The following CBLIF variants were observed in gnomAD, a reference collection of about 807,000 sequenced individuals.
CBLIF encodes gastric intrinsic factor (vitamin B synthesis).
CBLIF carries 24 observed loss-of-function variants against 44.9 expected under a neutral mutation model. That is an observed-to-expected ratio of 0.53 (90% CI 0.39 to 0.75). CBLIF has a LOEUF of 0.75. CBLIF is among the 30% of genes least tolerant of loss of function. CBLIF has a pLI of 0.00. For missense variants in CBLIF, 481 were observed against 513.0 expected (o/e 0.94, Z 0.60); for synonymous variants, 183 against 190.9 (o/e 0.96, Z 0.34).
In CBLIF at chr11:59,843,113, G is replaced by C. The variant is rs1311278829; in HGVS notation, c.285C>G (p.Thr95=). The C allele has an allele frequency of 4.3e-6, 7 of 1,613,190 alleles. No homozygotes were observed. Among genetic ancestry groups the C allele is most frequent in the Non-Finnish European group, 5.9e-6 (7 of 1,179,158 alleles). ...GGCAGGAGGAGGTGAGGGCCATGAT[G>C]GTGAGGCCGAGCTGCCCAATGGTTA... ...NDLTIGQLGL[T]IMALTSSCRD... is the part of the protein sequence containing the mutation. The change falls in exon 3 of 9, where the codon ACC becomes ACG. Residue 95 remains threonine (T), a synonymous_variant. Coordinates refer to ENST00000257248, the MANE Select transcript of CBLIF (RefSeq NM_005142.3).
At chr11:59,843,754 G>A in intron 2 of CBLIF, 125 bp downstream of exon 2, 1 of 759,936 alleles carries the variant, frequency 1.3e-6, no homozygotes, top group Non-Finnish European at 2.4e-6. Flanking sequence ...TGTAAGGAAA[G>A]GTGTTTGGGT....
In CBLIF at chr11:59,831,803, A is replaced by G; in HGVS notation, c.1074-7T>C. The G allele has an allele frequency of 2.2e-6, 3 of 1,364,138 alleles. No individual in the cohort carries two copies. Among genetic ancestry groups the G allele is most frequent in the Non-Finnish European group, 3.2e-6 (3 of 951,534 alleles). The allele number at this position is 1,364,138 out of a possible 1,614,324, so 84.5% of individuals were successfully genotyped here. ...TGTCATTGTGGTTTCAAATCTAAAAAAAAGTTTATATATGATTAACATCTC... is the reference window on the plus strand; with the variant it reads ...TGTCATTGTGGTTTCAAATCTAAAAGAAAGTTTATATATGATTAACATCTC... On this transcript the variant is annotated splice_region_variant and splice_polypyrimidine_tract_variant and intron_variant, in intron 7 of 8. Transcript: ENST00000257248.
chr11:59,833,018 GA>G (rs1291255505), intron 7 of CBLIF, among the ~76,000 whole-genome samples: 11 of 151,998 alleles, frequency 7.2e-5, no homozygotes, highest in Non-Finnish European at 1.3e-4. Context: ...AATATGCATA[GA>G]AAAAAACCTA....
rs1485593265 is a variant in CBLIF at position 59,834,392 on chromosome 11, T to C, written c.1073+1416A>G. ...TCAATTCCTTCTTTCCTTCCTTTTT[T>C]TTGTTTTTTTTTTTTTTGAGACAGA... On this transcript the variant is annotated intron_variant, in intron 7 of 8. Coordinates refer to ENST00000257248, the MANE Select transcript of CBLIF (RefSeq NM_005142.3). Among the ~76,000 whole-genome samples, 6 of 142,882 alleles carry C rather than the reference T, an allele frequency of 4.2e-5. No homozygotes were observed. The South Asian group carries it at 1.1e-3, about 27-fold the overall frequency. The allele number at this position is 142,882 out of a possible 152,430, so 93.7% of individuals were successfully genotyped here.
intron 8 of CBLIF, among the ~76,000 whole-genome samples, chr11:59,830,414 T>A (rs568329594): frequency 3.3e-5 from 5 of 152,094 alleles, no homozygotes; most frequent in Non-Finnish European, 5.9e-5. Flanking sequence ...TTTTTTTGTA[T>A]TTTTAGTAGA....
chr11:59,837,466 C>G lies in CBLIF; in HGVS notation c.694-115G>C, dbSNP rs983497814. On this transcript the variant is annotated intron_variant, in intron 5 of 8. Coordinates refer to ENST00000257248, the MANE Select transcript of CBLIF (RefSeq NM_005142.3). Reference sequence around the variant, plus strand: ...TAATCATGGTGATCACGTAGTCACCCAGAATGCAAAGCCAATGCTATGTAA... The same window carrying G: ...TAATCATGGTGATCACGTAGTCACCGAGAATGCAAAGCCAATGCTATGTAA... 9.9e-6 allele frequency: 8 copies of G among 808,512 alleles called. No individual in the cohort carries two copies. The African/African-American group carries it at 1.2e-4, about 12-fold the overall frequency. 50.1% of individuals were successfully genotyped at this position (808,512 alleles called of 1,614,324 possible).
chr11:59,842,258 C>T (rs373492861), intron 4 of CBLIF, among the ~76,000 whole-genome samples, 185 bp downstream of exon 4: 71 of 152,296 alleles, frequency 4.7e-4, no homozygotes, highest in African/African-American at 1.7e-3. Flanking sequence ...CCCCCTCTTC[C>T]TTCACTTACT....
intron 1 of CBLIF, 94 bp downstream of exon 1, chr11:59,845,281 T>G: frequency 3.8e-6 from 6 of 1,585,154 alleles, no homozygotes; most frequent in Non-Finnish European, 5.2e-6. Flanking sequence ...ATTCCTATAG[T>G]GATTGCTATT....
intron 7 of CBLIF, among the ~76,000 whole-genome samples, chr11:59,834,268 C>CTT (rs1373778936): frequency 1.6e-5 from 2 of 126,074 alleles, no homozygotes; most frequent in East Asian, 2.3e-4. Flanking sequence ...TTCTTTCTTT[C>CTT]TTTCTTTCTT....
intron 2 of CBLIF, 51 bp from the exon 3 acceptor site, chr11:59,843,192 CT>C: frequency 9.1e-7 from 1 of 1,097,714 alleles, no homozygotes; most frequent in South Asian, 1.2e-5. Flanking sequence ...CAGGGGACAG[CT>C]CTCCAGGAGC....
chr11:59,837,383 G>T, intron 5 of CBLIF, 32 bp from the exon 6 acceptor site: 1 of 1,535,216 alleles, frequency 6.5e-7, no homozygotes, highest in Non-Finnish European at 9.0e-7. Flanking sequence ...GAGAGAAAGA[G>T]TAATTAGGCA....
At position 59,841,261 on chromosome 11, in the gene CBLIF, T is replaced by A. The variant is rs1172377399; in HGVS notation, c.575A>T (p.Glu192Val). 1 of 1,613,762 alleles carries A rather than the reference T, an allele frequency of 6.2e-7. No homozygotes were observed. The highest frequency in any genetic ancestry group is 8.5e-7 in the Non-Finnish European group (1 of 1,179,612). Residue 192 changes from glutamate (E) to valine (V), a missense_variant, in exon 5 of 9, where the codon GAG becomes GTG. Coordinates refer to ENST00000257248, the MANE Select transcript of CBLIF (RefSeq NM_005142.3). ...CMYNKIPVGS[E>V]EGYRSLFGQV... is the part of the protein sequence containing the mutation. ...ACCAAACAGGGATCTGTAACCTTCCTCTGAACCTACAGGGATCTTGTTGTA... is the reference window on the plus strand; with the variant it reads ...ACCAAACAGGGATCTGTAACCTTCCACTGAACCTACAGGGATCTTGTTGTA...
At chr11:59,833,027 C>T (rs1866391602) in intron 7 of CBLIF, among the ~76,000 whole-genome samples, 1 of 152,038 alleles carries the variant, frequency 6.6e-6, no homozygotes, top group East Asian at 1.9e-4. Context: ...AGAAAAAAAC[C>T]TACAAAAGTT....
chr11:59,845,294 CA>C, intron 1 of CBLIF, 80 bp downstream of exon 1: 1 of 1,601,640 alleles, frequency 6.2e-7, no homozygotes, highest in Non-Finnish European at 8.5e-7. Flanking sequence ...TTGCTATTTT[CA>C]ACCACTCAGT....
At position 59,837,392 on chromosome 11, in the gene CBLIF, C is replaced by T. The variant is rs368108034; in HGVS notation, c.694-41G>A. 7.4e-5 allele frequency: 109 copies of T among 1,474,846 alleles called. 1 individual carries two copies. Among genetic ancestry groups the T allele is most frequent in the Non-Finnish European group, 9.7e-5 (102 of 1,054,352 alleles). The allele number at this position is 1,474,846 out of a possible 1,614,324, so 91.4% of individuals were successfully genotyped here. On this transcript the variant is annotated intron_variant, in intron 5 of 8. Transcript: ENST00000257248. ...GAAAGAGAGAGAAAGAGTAATTAGG[C>T]ATAGCTGAGAGTTGGCTCTTACATG...
In CBLIF at chr11:59,843,052, G is replaced by T. The variant is rs796064508; in HGVS notation, c.346C>A (p.Gln116Lys). The T allele has an allele frequency of 6.2e-7, 1 of 1,608,334 alleles. No homozygotes were observed. The highest frequency in any genetic ancestry group is 8.5e-7 in the Non-Finnish European group (1 of 1,175,226). The change falls in exon 3 of 9, where the codon CAA becomes AAA. Residue 116 changes from glutamine (Q) to lysine (K), a missense_variant. Transcript: ENST00000257248. ...CTGGAAGGTGCCCAGTTCTCCATTT[G>T]TCTTTGTAGAATGGATACTTTATCC... ...PGDKVSILQRQMENWAPSSPN... is the reference protein window; with the variant it reads ...PGDKVSILQRKMENWAPSSPN...
In CBLIF at chr11:59,831,719, G is replaced by A; in HGVS notation, c.1151C>T (p.Thr384Ile). 6.3e-7 allele frequency: 1 copy of A among 1,597,874 alleles called. No homozygotes were observed. The highest frequency in any genetic ancestry group is 1.1e-5 in the South Asian group (1 of 90,758). ...TACACCACTAAGAAACTGCCAGTAT[G>A]TCTTGTGATTAACATTTTCCGCGAT... is the stretch of plus-strand genomic sequence containing the variant. ...NNIAENVNHK[T>I]YWQFLSGVTP... The change falls in exon 8 of 9, where the codon ACA becomes ATA. Residue 384 changes from threonine to isoleucine, a missense_variant. Transcript: ENST00000257248.
At chr11:59,837,789 A>G (rs1450933245) in intron 5 of CBLIF, among the ~76,000 whole-genome samples, 7 of 151,950 alleles carry the variant, frequency 4.6e-5, no homozygotes, top group Non-Finnish European at 8.8e-5. Context: ...AGGCTCCACA[A>G]CCCTGGCCCA....
At chr11:59,830,297 T>C (rs1025531674) in intron 8 of CBLIF, among the ~76,000 whole-genome samples, 5 of 146,784 alleles carry the variant, frequency 3.4e-5, no homozygotes, top group African/African-American at 1.3e-4. Context: ...AGTGCAGTGG[T>C]GCAATCTCAG....
Sources: gnomAD v4.1 joint callset for allele counts (sites outside exome capture counted in the v4.1 genomes callset) on GRCh38, gnomAD v4.1.1 for gene constraint, MANE v1.5 for transcripts, NCBI Gene and HGNC (gene_info 2026-07-23, HGNC 2026-07-21) for gene names.